Variants in CACNA1A observed in about 807,000 individuals in gnomAD.
CACNA1A encodes the protein voltage-dependent P/Q-type calcium channel subunit alpha-1A.
A neutral mutation model predicts 262.4 loss-of-function variants in CACNA1A; 57 were observed. The ratio of observed to expected loss-of-function variants is 0.22; its 90% CI spans 0.18 to 0.27. The LOEUF is 0.27. Ranked by LOEUF, CACNA1A falls within the 10% of genes least tolerant of loss-of-function variation. The pLI is 1.00. For synonymous variants in CACNA1A, 1,431 were observed against 1,419.3 expected (o/e 1.01, Z -0.18); for missense variants, 2,526 against 3,562.8 (o/e 0.71, Z 7.41).
intron 3 of CACNA1A, among the ~76,000 whole-genome samples, chr19:13,441,799 A>T (rs2060726051): frequency 6.6e-6 from 1 of 152,136 alleles, no homozygotes. Flanking sequence ...TTAGGCATGC[A>T]AACTGTAGAG....
intron 6 of CACNA1A, among the ~76,000 whole-genome samples, chr19:13,342,519 T>C (rs571109208): frequency 1.3e-5 from 2 of 152,332 alleles, no homozygotes; most frequent in South Asian, 4.1e-4. Flanking sequence ...TTCCACTGCC[T>C]GGAACACTGT....
intron 30 of CACNA1A, among the ~76,000 whole-genome samples, chr19:13,247,714 AAAT>A (rs1484764776): frequency 4.3e-5 from 1 of 23,166 alleles, no homozygotes; most frequent in African/African-American, 2.7e-4. Context: ...AAATAAATAA[AAAT>A]AAATAAATAA....
At chr19:13,209,047 C>A (rs1398701514) in intron 45 of CACNA1A, 38 bp from the exon 46 acceptor site, 1 of 1,536,208 alleles carries the variant, frequency 6.5e-7, no homozygotes, top group Non-Finnish European at 8.7e-7. Flanking sequence ...CACAGGTGGT[C>A]GTGAGGGAGA....
intron 30 of CACNA1A, among the ~76,000 whole-genome samples, chr19:13,247,078 C>A (rs898030051): frequency 6.6e-6 from 1 of 152,190 alleles, no homozygotes; most frequent in African/African-American, 2.4e-5. Flanking sequence ...GAGTCTGGGT[C>A]AAAGAGATGG....
intron 24 of CACNA1A, among the ~76,000 whole-genome samples, chr19:13,263,743 A>T (rs1295232906): frequency 6.7e-6 from 1 of 150,214 alleles, no homozygotes; most frequent in Non-Finnish European, 1.5e-5. Context: ...CTGGTCTTGA[A>T]CTCCTGACCT....
chr19:13,411,828 C>T (rs933953009), intron 3 of CACNA1A, among the ~76,000 whole-genome samples: 1 of 152,150 alleles, frequency 6.6e-6, no homozygotes, highest in Admixed American at 6.6e-5. Context: ...CCTCCTGCTT[C>T]ACTGTCCTGA....
chr19:13,230,358 T>A, intron 35 of CACNA1A, 149 bp from the exon 36 acceptor site: 1 of 741,034 alleles, frequency 1.3e-6, no homozygotes, highest in South Asian at 2.1e-5. Flanking sequence ...AGAGAGAAGA[T>A]GGGGAAAGGA....
intron 1 of CACNA1A, among the ~76,000 whole-genome samples, chr19:13,488,387 TTTC>T (rs1980299099): frequency 1.4e-5 from 2 of 142,376 alleles, no homozygotes; most frequent in Admixed American, 7.0e-5. Flanking sequence ...TCCTTTTTCT[TTTC>T]TTTTTTTTTT....
chr19:13,475,910 T>C (rs1481208761), intron 1 of CACNA1A, among the ~76,000 whole-genome samples: 4 of 152,000 alleles, frequency 2.6e-5, no homozygotes, highest in African/African-American at 9.7e-5. Flanking sequence ...AGGGAAAAAG[T>C]GGGGGAGTTT....
At chr19:13,217,923 CATTCTT>C (rs1373552646) in intron 38 of CACNA1A, among the ~76,000 whole-genome samples, 2 of 119,850 alleles carry the variant, frequency 1.7e-5, no homozygotes, top group East Asian at 5.2e-4. Context: ...CTGTATAGTT[CATTCTT>C]TTTTTTTTTT....
At chr19:13,482,556 G>T (rs1276609452) in intron 1 of CACNA1A, among the ~76,000 whole-genome samples, 1 of 151,454 alleles carries the variant, frequency 6.6e-6, no homozygotes, top group Non-Finnish European at 1.5e-5. Flanking sequence ...GTTTCACTTT[G>T]TGAAAAAGAC....
At chr19:13,306,948 T>A (rs144667761) in intron 15 of CACNA1A, among the ~76,000 whole-genome samples, 1 of 152,190 alleles carries the variant, frequency 6.6e-6, no homozygotes, top group African/African-American at 2.4e-5. Context: ...TCTCTGAGGA[T>A]CTGTGAGTAT....
At chr19:13,278,270 C>T (rs1226799428) in intron 22 of CACNA1A, among the ~76,000 whole-genome samples, 1 of 152,078 alleles carries the variant, frequency 6.6e-6, no homozygotes, top group African/African-American at 2.4e-5. Context: ...CCCTCAAGCC[C>T]CTGCACGATC....
intron 1 of CACNA1A, among the ~76,000 whole-genome samples, chr19:13,481,519 G>T (rs138366504): frequency 6.9e-5 from 10 of 144,418 alleles, no homozygotes; most frequent in African/African-American, 2.5e-4. Context: ...ATCCTTGGAG[G>T]AGTTCAAAGA....
intron 15 of CACNA1A, among the ~76,000 whole-genome samples, chr19:13,305,773 G>A (rs1044283565): frequency 1.3e-5 from 2 of 152,114 alleles, no homozygotes; most frequent in African/African-American, 4.8e-5. Context: ...ATTAATAATC[G>A]CTTATGGGCC....
intron 6 of CACNA1A, among the ~76,000 whole-genome samples, chr19:13,336,594 G>GGAGAGAGAGGGAGAGAGAGGGAGA (rs1555768093): frequency 1.0e-3 from 68 of 65,474 alleles, no homozygotes; most frequent in South Asian, 2.0e-3. Flanking sequence ...AGAGAGAGAG[G>GGAGAGAGAGGGAGAGAGAGGGAGA]GAGAGAGAGA....
rs112312912 is a variant in CACNA1A, at chr19:13,419,093, C to G, written c.539+33783G>C. On this transcript the variant is annotated intron_variant, in intron 3 of 46. Coordinates refer to ENST00000360228, the MANE Select transcript of CACNA1A (RefSeq NM_001127222.2). ...ATTTTTCAGTAAAGAAGGAGTTTCG[C>G]CATGTTGGCCAGGCTGGGCTCGAAC... Among the ~76,000 whole-genome samples the G allele has an allele frequency of 4.0e-3, 602 of 152,216 alleles. 4 individuals are homozygous for G. The highest frequency in any genetic ancestry group is 0.014 in the African/African-American group (579 of 41,530).
intron 4 of CACNA1A, among the ~76,000 whole-genome samples, chr19:13,369,709 GCC>G (rs929743127): frequency 1.3e-5 from 2 of 152,210 alleles, no homozygotes; most frequent in African/African-American, 4.8e-5. Flanking sequence ...ACACTTTGTT[GCC>G]CAGGCTGGTG....
chr19:13,335,272 G>A (rs2058543767), intron 7 of CACNA1A, among the ~76,000 whole-genome samples: 1 of 152,110 alleles, frequency 6.6e-6, no homozygotes, highest in Non-Finnish European at 1.5e-5. Flanking sequence ...AACATGAAGT[G>A]GCCATCCGGA....
Sources: gnomAD v4.1 joint callset for allele counts (sites outside exome capture counted in the v4.1 genomes callset) on GRCh38, gnomAD v4.1.1 for gene constraint, MANE v1.5 for transcripts, NCBI Gene and HGNC (gene_info 2026-07-23, HGNC 2026-07-21) for gene names.